The following EFR3B variants were observed in gnomAD, a reference collection of about 807,000 sequenced individuals.
EFR3B encodes protein EFR3 homolog B.
In EFR3B, 64 loss-of-function variants were observed where a neutral mutation model predicts 104.7. The observed-to-expected ratio is 0.61, with a 90% CI of 0.50 to 0.75. EFR3B has a LOEUF of 0.75. Among genes scored for constraint, EFR3B ranks in the 30% least tolerant of loss-of-function variants. The pLI is 0.00. For missense variants in EFR3B, 750 were observed against 1,078.5 expected, an observed-to-expected ratio of 0.70 and a Z score of 4.27; for synonymous variants, 385 against 417.9, an observed-to-expected ratio of 0.92 and a Z score of 0.96.
At chr2:25,118,724 T>TAAAAAAAAA (rs1208806738) in intron 4 of EFR3B, among the ~76,000 whole-genome samples, 2 of 9,018 alleles carry the variant, frequency 2.2e-4, no homozygotes, top group Non-Finnish European at 6.2e-4. Flanking sequence ...ACCCTGTCTC[T>TAAAAAAAAA]ACAAAAAAAA....
chr2:25,139,059 G>C lies in EFR3B; in HGVS notation c.1723G>C (p.Asp575His). ...DLIRLVLAVQ[D>H]VAQVNEENLP... ...GGAGGCCTTGTCTATGTTGCCGCAG[G>C]ACGTGGCCCAAGTCAATGAGGAGAA... The change falls in exon 16 of 23, where the codon GAC (aspartate) becomes CAC (histidine). Residue 575 changes from aspartate (D) to histidine (H), a missense_variant and splice_region_variant. Asp to His is a moderately conservative substitution (Grantham distance 81). Coordinates refer to ENST00000403714, the MANE Select transcript of EFR3B (RefSeq NM_014971.2). The C allele has an allele frequency of 6.4e-7, 1 of 1,551,716 alleles. No individual in the cohort carries two copies. The highest frequency in any genetic ancestry group is 8.7e-7 in the Non-Finnish European group (1 of 1,146,998).
rs751125184 is a variant in EFR3B at position 25,151,903 on chromosome 2, C to T, written c.2192-11C>T. 1.9e-6 allele frequency: 3 copies of T among 1,551,642 alleles called. No homozygotes were observed. The highest frequency in any genetic ancestry group is 1.4e-5 in the African/African-American group (1 of 73,194). ...CAGGGCCTGGCACTAACCCAGCTCT[C>T]TGTGTCGAAGTGGACAGCGTAGCAG... is the stretch of plus-strand genomic sequence containing the variant. On this transcript the variant is annotated splice_polypyrimidine_tract_variant and intron_variant, in intron 20 of 22. Coordinates refer to ENST00000403714, the MANE Select transcript of EFR3B (RefSeq NM_014971.2).
At chr2:25,103,834 G>C (rs769620841) in intron 4 of EFR3B, 47 bp downstream of exon 4, 15 of 1,547,482 alleles carry the variant, frequency 9.7e-6, no homozygotes, top group Non-Finnish European at 1.3e-5. Context: ...CGCATCCTGG[G>C]GGGTGGCAGG....
chr2:25,150,992 G>A (rs760222118), intron 20 of EFR3B, among the ~76,000 whole-genome samples: 7 of 151,840 alleles, frequency 4.6e-5, no homozygotes, highest in Non-Finnish European at 8.8e-5. Context: ...GGCCAAGGTG[G>A]CAGGATCCCT....
rs961720500 is a variant in EFR3B at position 25,133,031 on chromosome 2, C to T, written c.1259+17C>T. 18 of 1,547,298 alleles carry T rather than the reference C, an allele frequency of 1.2e-5. No homozygotes were observed. Among genetic ancestry groups the T allele is most frequent in the Non-Finnish European group, 1.6e-5 (18 of 1,143,104 alleles). On this transcript the variant is annotated intron_variant, in intron 11 of 22. Coordinates refer to ENST00000403714, the MANE Select transcript of EFR3B (RefSeq NM_014971.2). ...CAGGACGGGGTGAGCCACCAATCTC[C>T]CCCAGCCTGGAGTCCTCCTCTCCCC...
At chr2:25,072,836 A>G (rs1001636611) in intron 1 of EFR3B, among the ~76,000 whole-genome samples, 8 of 151,814 alleles carry the variant, frequency 5.3e-5, no homozygotes, top group African/African-American at 1.7e-4. Flanking sequence ...CCCTCCAGCT[A>G]CTCTCAGGCC....
At position 25,139,397 on chromosome 2, in the gene EFR3B, T is replaced by TG. The variant is rs572423382; in HGVS notation, c.1854+215dup. Among the ~76,000 whole-genome samples, 884 of 150,696 alleles carry TG rather than the reference T, an allele frequency of 5.9e-3. 3 individuals are homozygous for TG. Among genetic ancestry groups the TG allele is most frequent in the African/African-American group, 0.019 (781 of 41,092 alleles). ...GCAGGGTGGGGTTAGGCACAGGGGT[T>TG]GGGGGGGGTCTTCTATACCTGTTTC... On this transcript the variant is annotated intron_variant, in intron 16 of 22. Coordinates refer to ENST00000403714, the MANE Select transcript of EFR3B (RefSeq NM_014971.2).
intron 4 of EFR3B, among the ~76,000 whole-genome samples, chr2:25,118,105 G>A (rs1039088303): frequency 5.3e-5 from 8 of 152,014 alleles, no homozygotes; most frequent in African/African-American, 4.8e-5. Flanking sequence ...TCAGCCTCCC[G>A]AGTAGCTGGG....
chr2:25,059,728 T>C (rs1310476306), intron 1 of EFR3B, among the ~76,000 whole-genome samples: 3 of 151,626 alleles, frequency 2.0e-5, no homozygotes, highest in African/African-American at 7.3e-5. Context: ...ATGGCTAAAA[T>C]GCCGGGCGTG....
intron 4 of EFR3B, among the ~76,000 whole-genome samples, chr2:25,118,959 A>C (rs186926383): frequency 2.6e-5 from 4 of 152,098 alleles, no homozygotes; most frequent in Non-Finnish European, 5.9e-5. Context: ...CTCCCAAACC[A>C]GTGAACATTA....
At position 25,137,387 on chromosome 2, in the gene EFR3B, A is replaced by G; in HGVS notation, c.1607A>G (p.Glu536Gly). Residue 536 changes from glutamate to glycine, a missense_variant, in exon 15 of 23, where the codon GAA becomes GGA. Transcript: ENST00000403714. This position sits in a 1 kb window ranked among gnomAD's most constrained non-coding sequence, Gnocchi z 4.7. ...YRHIYLSCKE[E>G]TNVQKHYEAL... ...CACATCTACCTGAGCTGCAAGGAGG[A>G]AACAAACGTGCAGAAACACTACGAG... is the stretch of plus-strand genomic sequence containing the variant. The G allele has an allele frequency of 6.4e-7, 1 of 1,552,044 alleles. No homozygotes were observed.
intron 3 of EFR3B, among the ~76,000 whole-genome samples, chr2:25,102,485 C>T (rs1669452970): frequency 6.6e-6 from 1 of 152,156 alleles, no homozygotes; most frequent in Admixed American, 6.6e-5. Flanking sequence ...CACCTCTTCA[C>T]ATGGCACCAG....
At chr2:25,064,190 G>T (rs965852982) in intron 1 of EFR3B, among the ~76,000 whole-genome samples, 1 of 152,246 alleles carries the variant, frequency 6.6e-6, no homozygotes, top group African/African-American at 2.4e-5. Flanking sequence ...CTCTGGGCAT[G>T]GCGCCTGTCT....
intron 1 of EFR3B, among the ~76,000 whole-genome samples, chr2:25,074,823 G>T (rs929568041): frequency 1.3e-5 from 2 of 151,916 alleles, no homozygotes; most frequent in African/African-American, 4.8e-5. Context: ...TACCATGTTC[G>T]CCAGACTGGT....
Position 25,136,416 on chromosome 2 carries a change from G to A in EFR3B, c.1485-107G>A. The A allele has an allele frequency of 1.2e-6, 1 of 851,610 alleles. No individual in the cohort carries two copies. The highest frequency in any genetic ancestry group is 2.8e-5 in the East Asian group (1 of 36,034). The allele number at this position is 851,610 out of a possible 1,614,324, so 52.8% of individuals were successfully genotyped here. On this transcript the variant is annotated intron_variant, in intron 13 of 22. Transcript: ENST00000403714. This position sits in a 1 kb window ranked among gnomAD's most constrained non-coding sequence, Gnocchi z 4.0. ...GAGAACCAGGGCCAGGGGAGCACTG[G>A]AGGCTTTGTACCAACTAACAATGTT...
At chr2:25,045,940 A>G (rs1667704036) in intron 1 of EFR3B, among the ~76,000 whole-genome samples, 1 of 152,182 alleles carries the variant, frequency 6.6e-6, no homozygotes, top group Admixed American at 6.5e-5. Flanking sequence ...GGATTTCCCC[A>G]ACCACAGTCT....
At position 25,135,548 on chromosome 2, in the gene EFR3B, A is replaced by C; in HGVS notation, c.1393A>C (p.Met465Leu). The change falls in exon 13 of 23, where the codon ATG (methionine) becomes CTG (leucine). Residue 465 changes from methionine (M) to leucine (L), a missense_variant. By Grantham distance (15) the Met-to-Leu change is conservative. Transcript: ENST00000403714. ...FLDRLLSTAL[M>L]EDAEIRLFVL... ...GGACCGCCTTCTCTCCACCGCCCTC[A>C]TGGAGGATGCAGAAATTCGACTCTT... The C allele has an allele frequency of 1.2e-5, 19 of 1,551,898 alleles. No individual in the cohort carries two copies. Among genetic ancestry groups the C allele is most frequent in the Non-Finnish European group, 1.4e-5 (16 of 1,147,028 alleles).
At chr2:25,152,134 C>A in intron 21 of EFR3B, 114 bp downstream of exon 21, 2 of 985,268 alleles carry the variant, frequency 2.0e-6, no homozygotes, top group South Asian at 1.6e-5. Context: ...CAACCTCCCC[C>A]ACCCCCACCC....
At chr2:25,056,102 AT>A (rs1184181038) in intron 1 of EFR3B, among the ~76,000 whole-genome samples, 1 of 152,222 alleles carries the variant, frequency 6.6e-6, no homozygotes, top group Non-Finnish European at 1.5e-5. Context: ...TGGGCTAGGA[AT>A]TTCTCTAAGG....
Sources: allele counts gnomAD v4.1 joint callset (sites outside exome capture counted in the v4.1 genomes callset), GRCh38; gene constraint gnomAD v4.1.1; non-coding constraint Gnocchi (gnomAD v3.1); transcripts MANE v1.5; gene names NCBI Gene and HGNC (gene_info 2026-07-23, HGNC 2026-07-21).